SRC: variants seen among roughly 807,000 people sequenced by gnomAD.
SRC encodes the protein proto-oncogene tyrosine-protein kinase Src.
Under a neutral mutation model 62.9 loss-of-function variants are expected in SRC, and 13 were observed. That is an observed-to-expected ratio of 0.21 (90% CI 0.13 to 0.33). SRC has a LOEUF of 0.33. Ranked by LOEUF, SRC falls within the 10% of genes least tolerant of loss-of-function variation. SRC has a pLI of 1.00. For synonymous variants in SRC, 302 were observed against 317.5 expected, an observed-to-expected ratio of 0.95 and a Z score of 0.52; for missense variants, 457 against 737.3, an observed-to-expected ratio of 0.62 and a Z score of 4.40.
chr20:37,400,585 T>C lies in SRC; in HGVS notation c.1039+291T>C, dbSNP rs571677956. 3.5e-4 allele frequency among the ~76,000 whole-genome samples: 54 copies of C among 152,264 alleles called. 1 individual carries two copies. Among genetic ancestry groups the C allele is most frequent in the African/African-American group, 1.3e-3 (53 of 41,558 alleles). ...TTTTTTGTAGAGATGGGACCCTATGTTGCCCAGGCTGGTCTCGAACTCTTG... is the reference window on the plus strand; with the variant it reads ...TTTTTTGTAGAGATGGGACCCTATGCTGCCCAGGCTGGTCTCGAACTCTTG... On this transcript the variant is annotated intron_variant, in intron 10 of 13. Transcript: ENST00000373578.
In SRC at chr20:37,402,536, G is replaced by C. The variant is rs1885257; in HGVS notation, c.1218G>C (p.Ala406=). ...LVGENLVCKV[A]DFGLARLIED... is the part of the protein sequence containing the mutation. Reference sequence around the variant, plus strand: ...GAGAGAACCTGGTGTGCAAAGTGGCGGACTTTGGGCTGGCTCGGCTCATTG... The same window carrying C: ...GAGAGAACCTGGTGTGCAAAGTGGCCGACTTTGGGCTGGCTCGGCTCATTG... Residue 406 remains alanine, a synonymous_variant, in exon 12 of 14, where the codon GCG becomes GCC. Transcript: ENST00000373578. The surrounding 1 kb of genome is among the most constrained non-coding windows in gnomAD (Gnocchi z 6.2). 1 allele frequency: 1,614,027 copies of C among 1,614,046 alleles called. 807,004 individuals carry two copies. Among genetic ancestry groups the C allele is most frequent in the Middle Eastern group, 1 (6,058 of 6,058 alleles).
chr20:37,359,983 T>G (rs1200975517), intron 1 of SRC, among the ~76,000 whole-genome samples: 1 of 151,994 alleles, frequency 6.6e-6, no homozygotes, highest in Non-Finnish European at 1.5e-5. Flanking sequence ...ATGAACCCCA[T>G]GAACCCATCG....
intron 1 of SRC, among the ~76,000 whole-genome samples, chr20:37,360,802 C>T (rs2146936536): frequency 6.6e-6 from 1 of 152,302 alleles, no homozygotes; most frequent in Admixed American, 6.5e-5. Flanking sequence ...GTCCTGTGTG[C>T]TTCACAGATA....
At chr20:37,383,427 C>T (rs994007184) in intron 3 of SRC, among the ~76,000 whole-genome samples, 2 of 152,156 alleles carry the variant, frequency 1.3e-5, no homozygotes, top group African/African-American at 2.4e-5. Context: ...AGGCAATTCC[C>T]GTCAGCCACG....
intron 5 of SRC, among the ~76,000 whole-genome samples, chr20:37,386,711 C>T (rs1000714926): frequency 2.6e-5 from 4 of 152,246 alleles, no homozygotes; most frequent in Non-Finnish European, 4.4e-5. Context: ...TCCCCATCCA[C>T]CTTCCTACTC....
intron 2 of SRC, among the ~76,000 whole-genome samples, chr20:37,377,345 A>G (rs561618638): frequency 1.3e-5 from 2 of 152,386 alleles, no homozygotes; most frequent in East Asian, 3.9e-4. Flanking sequence ...AAGAAAATGT[A>G]GCTACTAAGA....
chr20:37,381,687 G>A (rs1464676115), intron 2 of SRC, among the ~76,000 whole-genome samples: 1 of 152,146 alleles, frequency 6.6e-6, no homozygotes, highest in Admixed American at 6.5e-5. Flanking sequence ...GCTAGGGGGC[G>A]GGCTGGTTGG....
chr20:37,394,694 C>G (rs772826069), intron 7 of SRC, among the ~76,000 whole-genome samples: 60 of 152,292 alleles, frequency 3.9e-4, no homozygotes, highest in Non-Finnish European at 7.6e-4. Flanking sequence ...CTGCCCCTCT[C>G]CTGTCCCTCC....
chr20:37,395,216 C>A (rs1366791414), intron 7 of SRC, among the ~76,000 whole-genome samples: 1 of 152,248 alleles, frequency 6.6e-6, no homozygotes, highest in Non-Finnish European at 1.5e-5. Context: ...TGCTGGGTGA[C>A]CCCAGGCTGG....
rs1220630595 is a variant in SRC, at chr20:37,351,253, G to A, written c.-247+4998G>A. ...TCCAGAGTAAAAGGAGAAGCCAGAA[G>A]GGAGGAGAAGTTGAATGATCTTGGC... On this transcript the variant is annotated intron_variant, in intron 1 of 13. Transcript: ENST00000373578. The surrounding 1 kb of genome is among the most constrained non-coding windows in gnomAD (Gnocchi z 4.4). Among the ~76,000 whole-genome samples the A allele has an allele frequency of 1.3e-5, 2 of 152,226 alleles. No individual in the cohort carries two copies. Among genetic ancestry groups the A allele is most frequent in the Non-Finnish European group, 2.9e-5 (2 of 68,040 alleles).
intron 5 of SRC, among the ~76,000 whole-genome samples, chr20:37,388,737 A>T (rs1396573055): frequency 2.7e-5 from 4 of 150,334 alleles, no homozygotes; most frequent in African/African-American, 9.8e-5. Context: ...ACAGAGCAAG[A>T]CTCTGTCTCA....
At position 37,403,642 on chromosome 20, in the gene SRC, T is replaced by A. The variant is rs1480247211; in HGVS notation, c.*263T>A. ...GCACGCCTCTCCCTGCACTCCCTCCTGGAGCTCTGTGGGTCTCTGGAAGAG... is the reference window on the plus strand; with the variant it reads ...GCACGCCTCTCCCTGCACTCCCTCCAGGAGCTCTGTGGGTCTCTGGAAGAG... On this transcript the variant is annotated 3_prime_UTR_variant, in exon 14 of 14. Coordinates refer to ENST00000373578, the MANE Select transcript of SRC (RefSeq NM_198291.3). The surrounding 1 kb of genome is among the most constrained non-coding windows in gnomAD (Gnocchi z 7.1). The A allele has an allele frequency of 1.3e-5, 7 of 519,536 alleles. No homozygotes were observed. Among genetic ancestry groups the A allele is most frequent in the East Asian group, 6.2e-5 (2 of 32,306 alleles). 32.2% of individuals were successfully genotyped at this position (519,536 alleles called of 1,614,324 possible). A position where few individuals can be genotyped will look rare whatever the true frequency, so the allele number is the denominator to read the frequency against.
rs565687411 is a variant in SRC, at chr20:37,375,473, C to T, written c.-172-7146C>T. Among the ~76,000 whole-genome samples, 262 of 152,012 alleles carry T rather than the reference C, an allele frequency of 1.7e-3. 1 individual carries two copies. Among genetic ancestry groups the T allele is most frequent in the Non-Finnish European group, 2.1e-3 (143 of 67,952 alleles). On this transcript the variant is annotated intron_variant, in intron 2 of 13. Coordinates refer to ENST00000373578, the MANE Select transcript of SRC (RefSeq NM_198291.3). ...GCTAGTCTGAAACTCCTCAGGCTCACGTGATCCTCCTGCCTCTGCCTCACA... is the reference window on the plus strand; with the variant it reads ...GCTAGTCTGAAACTCCTCAGGCTCATGTGATCCTCCTGCCTCTGCCTCACA...
chr20:37,399,181 C>A (rs372751652), intron 9 of SRC, among the ~76,000 whole-genome samples: 39 of 152,334 alleles, frequency 2.6e-4, no homozygotes, highest in Non-Finnish European at 4.6e-4. Context: ...ATGGAATCCC[C>A]ATTTTCCAGA....
chr20:37,356,129 G>A (rs2069878632), intron 1 of SRC, among the ~76,000 whole-genome samples: 1 of 152,186 alleles, frequency 6.6e-6, no homozygotes, highest in South Asian at 2.1e-4. Flanking sequence ...TGGGGCCTTG[G>A]AGGGAGTGGG....
At position 37,396,115 on chromosome 20, in the gene SRC, CG is replaced by C. The variant is rs760418101; in HGVS notation, c.554-41del. 4.4e-6 allele frequency: 7 copies of C among 1,597,120 alleles called. 1 individual carries two copies. The South Asian group carries it at 4.4e-5, about 10-fold the overall frequency. Reference sequence around the variant, plus strand: ...GAACGGTGTCCAGAGCAGCGGCCTGCGGGGGGAGAGGGCATGGCGGTCACGG... The same window carrying C: ...GAACGGTGTCCAGAGCAGCGGCCTGCGGGGGAGAGGGCATGGCGGTCACGG... On this transcript the variant is annotated intron_variant, in intron 7 of 13. Transcript: ENST00000373578. The surrounding 1 kb of genome is among the most constrained non-coding windows in gnomAD (Gnocchi z 6.1).
chr20:37,374,424 C>G (rs1444513880), intron 2 of SRC, among the ~76,000 whole-genome samples: 1 of 151,988 alleles, frequency 6.6e-6, no homozygotes, highest in Admixed American at 6.6e-5. Flanking sequence ...TTTCTAATTG[C>G]AATTGGTATA....
intron 2 of SRC, among the ~76,000 whole-genome samples, chr20:37,374,168 C>G (rs532363640): frequency 1.3e-5 from 2 of 151,744 alleles, no homozygotes; most frequent in African/African-American, 4.8e-5. Context: ...CAACCTCTGC[C>G]TCCCAGGTTC....
chr20:37,349,688 G>A (rs1484877497), intron 1 of SRC, among the ~76,000 whole-genome samples: 2 of 152,216 alleles, frequency 1.3e-5, no homozygotes, highest in African/African-American at 4.8e-5. Context: ...GCCCTTGCCT[G>A]GGTGATCTCA....
Sources: gnomAD v4.1 joint callset for allele counts (sites outside exome capture counted in the v4.1 genomes callset) on GRCh38, gnomAD v4.1.1 for gene constraint, Gnocchi (gnomAD v3.1) non-coding constraint, MANE v1.5 for transcripts, NCBI Gene and HGNC (gene_info 2026-07-23, HGNC 2026-07-21) for gene names.